CTNNA3: variants seen among roughly 807,000 people sequenced by gnomAD.
CTNNA3 encodes the protein catenin alpha 3, also known as catenin alpha-3.
CTNNA3 carries 76 observed loss-of-function variants against 95.7 expected under a neutral mutation model. The ratio of observed to expected loss-of-function variants is 0.79; its 90% confidence interval spans 0.66 to 0.96. CTNNA3 has a LOEUF of 0.96. CTNNA3 is among the 40% of genes least tolerant of loss of function. CTNNA3 has a pLI of 0.00. For synonymous variants in CTNNA3, 431 were observed against 374.4 expected (o/e 1.15, Z -1.74); for missense variants, 1,191 against 1,089.8 (o/e 1.09, Z -1.31).
At chr10:66,403,335 TACC>T (rs2093034273) in intron 11 of CTNNA3, among the ~76,000 whole-genome samples, 2 of 152,136 alleles carry the variant, frequency 1.3e-5, no homozygotes, top group Admixed American at 6.5e-5. Context: ...TATAAAGACA[TACC>T]TGTGACCAGG....
intron 12 of CTNNA3, among the ~76,000 whole-genome samples, chr10:66,366,884 T>A (rs1380752069): frequency 6.6e-6 from 1 of 152,124 alleles, no homozygotes; most frequent in Non-Finnish European, 1.5e-5. Flanking sequence ...TTCTAGTATC[T>A]TCAGTGGGTT....
chr10:67,473,822 A>T (rs1164461215), intron 5 of CTNNA3, among the ~76,000 whole-genome samples: 2 of 152,236 alleles, frequency 1.3e-5, no homozygotes, highest in Non-Finnish European at 1.5e-5. Flanking sequence ...TTTAAGCTCT[A>T]TATGGGAGGA....
At chr10:66,855,060 G>A (rs943601891) in intron 7 of CTNNA3, among the ~76,000 whole-genome samples, 7 of 151,846 alleles carry the variant, frequency 4.6e-5, no homozygotes, top group Admixed American at 4.6e-4. Flanking sequence ...AGCTATTATT[G>A]TGTCAATATT....
At chr10:67,026,624 T>C (rs1408916412) in intron 7 of CTNNA3, among the ~76,000 whole-genome samples, 2 of 152,152 alleles carry the variant, frequency 1.3e-5, no homozygotes, top group African/African-American at 4.8e-5. Context: ...TGAACATTCA[T>C]ATTGAAGGAA....
At chr10:66,061,613 T>C (rs2080200863) in intron 15 of CTNNA3, among the ~76,000 whole-genome samples, 2 of 152,096 alleles carry the variant, frequency 1.3e-5, no homozygotes, top group South Asian at 4.1e-4. Flanking sequence ...AGGCCTTTTA[T>C]AACCTATCAC....
Position 66,196,058 on chromosome 10 carries a change from A to T in CTNNA3, c.1884+84412T>A, listed in dbSNP as rs1011926643. Among the ~76,000 whole-genome samples, 4 of 152,188 alleles carry T rather than the reference A, an allele frequency of 2.6e-5. 1 individual carries two copies. The South Asian group carries it at 6.2e-4, about 24-fold the overall frequency. On this transcript the variant is annotated intron_variant, in intron 13 of 17. Coordinates refer to ENST00000433211, the MANE Select transcript of CTNNA3 (RefSeq NM_013266.4). ...CAAACGAGGAAATTATTAAAAGAAAATAATATAATGTTTACATAAAAATTC... is the reference window on the plus strand; with the variant it reads ...CAAACGAGGAAATTATTAAAAGAAATTAATATAATGTTTACATAAAAATTC...
chr10:66,137,609 T>C (rs61858402), intron 13 of CTNNA3, among the ~76,000 whole-genome samples: 32,522 of 152,076 alleles, frequency 0.21, 3,672 homozygotes, highest in Admixed American at 0.26. Context: ...ATTGAGGTTA[T>C]ACTGGAGAAT....
chr10:66,232,118 C>T (rs1281722246), intron 13 of CTNNA3, among the ~76,000 whole-genome samples: 2 of 152,152 alleles, frequency 1.3e-5, no homozygotes, highest in Non-Finnish European at 2.9e-5. Flanking sequence ...ATAACTTCCC[C>T]CAAAATCAGA....
chr10:66,933,840 A>G (rs1399141547), intron 7 of CTNNA3, among the ~76,000 whole-genome samples: 1 of 152,214 alleles, frequency 6.6e-6, no homozygotes, highest in Admixed American at 6.6e-5. Flanking sequence ...TGCTCTTACC[A>G]ATATGAAGTA....
At position 66,621,687 on chromosome 10, in the gene CTNNA3, C is replaced by A. The variant is rs751388362; in HGVS notation, c.1374+5G>T. On this transcript the variant is annotated splice_donor_5th_base_variant and intron_variant, in intron 10 of 17. Transcript: ENST00000433211. Reference sequence around the variant, plus strand: ...TACACACAAAAAGTAACTTAGTTGTCATACCTGTGGACACAAGGTTTCCAA... The same window carrying A: ...TACACACAAAAAGTAACTTAGTTGTAATACCTGTGGACACAAGGTTTCCAA... The A allele has an allele frequency of 6.4e-7, 1 of 1,555,438 alleles. No homozygotes were observed. The highest frequency in any genetic ancestry group is 8.8e-7 in the Non-Finnish European group (1 of 1,134,180).
intron 7 of CTNNA3, among the ~76,000 whole-genome samples, chr10:66,928,618 C>T (rs1407823750): frequency 6.6e-6 from 1 of 152,006 alleles, no homozygotes; most frequent in Non-Finnish European, 1.5e-5. Flanking sequence ...ATTCATAATA[C>T]TGGTCATTTT....
At chr10:66,521,507 A>C (rs1012231994) in intron 10 of CTNNA3, among the ~76,000 whole-genome samples, 1 of 152,172 alleles carries the variant, frequency 6.6e-6, no homozygotes, top group Non-Finnish European at 1.5e-5. Flanking sequence ...GTGATTTCCC[A>C]TGGATATTCC....
intron 7 of CTNNA3, among the ~76,000 whole-genome samples, chr10:66,890,659 G>A (rs531453724): frequency 6.6e-6 from 1 of 152,162 alleles, no homozygotes; most frequent in African/African-American, 2.4e-5. Context: ...GATGGATACC[G>A]ACAAAACATC....
At chr10:66,401,518 A>AACACACACACACACACACAC (rs140986771) in intron 11 of CTNNA3, among the ~76,000 whole-genome samples, 13 of 144,008 alleles carry the variant, frequency 9.0e-5, no homozygotes, top group Admixed American at 4.9e-4. Context: ...TGTGTCTCAA[A>AACACACACACACACACACAC]ACACACACAC....
intron 16 of CTNNA3, among the ~76,000 whole-genome samples, chr10:65,979,677 C>T (rs918378297): frequency 6.6e-6 from 1 of 152,068 alleles, no homozygotes; most frequent in African/African-American, 2.4e-5. Context: ...TGTAACTATA[C>T]ATGAAGTGAA....
chr10:66,044,022 G>A (rs575097465), intron 15 of CTNNA3, among the ~76,000 whole-genome samples: 72 of 151,444 alleles, frequency 4.8e-4, no homozygotes, highest in Non-Finnish European at 9.4e-4. Context: ...TTGAGATGGA[G>A]TCTCACTATG....
intron 7 of CTNNA3, among the ~76,000 whole-genome samples, chr10:66,881,987 G>A (rs1024117465): frequency 2.0e-5 from 3 of 152,030 alleles, no homozygotes; most frequent in African/African-American, 7.2e-5. Context: ...CTTAACAAAT[G>A]ACCTTCTCGA....
At chr10:66,310,846 G>A (rs2132258854) in intron 12 of CTNNA3, among the ~76,000 whole-genome samples, 1 of 151,976 alleles carries the variant, frequency 6.6e-6, no homozygotes, top group Non-Finnish European at 1.5e-5. Context: ...ACAACGCCTG[G>A]CTAATTTTTT....
At chr10:67,626,153 C>T (rs934844445) in intron 2 of CTNNA3, among the ~76,000 whole-genome samples, 4 of 150,278 alleles carry the variant, frequency 2.7e-5, no homozygotes, top group Non-Finnish European at 5.9e-5. Flanking sequence ...TTCACTTTAG[C>T]CTGGGCAACA....
Sources: allele counts gnomAD v4.1 joint callset (sites outside exome capture counted in the v4.1 genomes callset), GRCh38; gene constraint gnomAD v4.1.1; transcripts MANE v1.5; gene names NCBI Gene and HGNC (gene_info 2026-07-23, HGNC 2026-07-21).